Variants in CDH8 observed in about 807,000 individuals in gnomAD.
The protein encoded by CDH8 is cadherin-8.
In CDH8, 17 loss-of-function variants were observed where a neutral mutation model predicts 68.1. The observed-to-expected ratio is 0.25, with a 90% CI of 0.17 to 0.37. CDH8 has a LOEUF of 0.37. CDH8 is among the 10% of genes least tolerant of loss of function. CDH8 has a pLI of 1.00. For synonymous variants in CDH8, 372 were observed against 365.1 expected, an observed-to-expected ratio of 1.02 and a Z score of -0.21; for missense variants, 763 against 999.3, an observed-to-expected ratio of 0.76 and a Z score of 3.19.
At chr16:61,760,505 G>T (rs1244281123) in intron 8 of CDH8, among the ~76,000 whole-genome samples, 2 of 151,682 alleles carry the variant, frequency 1.3e-5, no homozygotes. Context: ...TAGAGACAGG[G>T]CTTCACCATG....
chr16:61,847,871 C>T (rs1962844004), intron 4 of CDH8, among the ~76,000 whole-genome samples: 1 of 148,952 alleles, frequency 6.7e-6, no homozygotes, highest in Non-Finnish European at 1.5e-5. Flanking sequence ...CTATATCTAC[C>T]AACTATCCTA....
intron 3 of CDH8, among the ~76,000 whole-genome samples, chr16:61,892,701 C>T (rs1963798627): frequency 6.6e-6 from 1 of 152,138 alleles, no homozygotes; most frequent in East Asian, 1.9e-4. Flanking sequence ...TAAGGTGTGG[C>T]TGGGCAAGTT....
At chr16:61,774,164 T>A (rs934765923) in intron 8 of CDH8, among the ~76,000 whole-genome samples, 1 of 152,042 alleles carries the variant, frequency 6.6e-6, no homozygotes, top group African/African-American at 2.4e-5. Context: ...GACCAACTGA[T>A]AAACGGGCTT....
intron 8 of CDH8, among the ~76,000 whole-genome samples, chr16:61,737,288 G>T (rs1959723659): frequency 6.6e-6 from 1 of 152,070 alleles, no homozygotes. Context: ...TACTAGTGGG[G>T]CACAATAAAT....
At chr16:61,949,917 G>T (rs1360762777) in intron 2 of CDH8, among the ~76,000 whole-genome samples, 1 of 151,706 alleles carries the variant, frequency 6.6e-6, no homozygotes, top group African/African-American at 2.4e-5. Flanking sequence ...AAACATGGGT[G>T]GTTGAGGCTG....
intron 3 of CDH8, among the ~76,000 whole-genome samples, chr16:61,877,296 G>A (rs1963478823): frequency 7.3e-6 from 1 of 136,838 alleles, no homozygotes; most frequent in Non-Finnish European, 1.5e-5. Context: ...GGGGTAATAT[G>A]GAATTATTTA....
chr16:61,991,699 C>G (rs1965724392), intron 2 of CDH8, among the ~76,000 whole-genome samples: 1 of 152,146 alleles, frequency 6.6e-6, no homozygotes, highest in Admixed American at 6.6e-5. Context: ...GGAAGTTATC[C>G]AAGATCTCAC....
intron 8 of CDH8, among the ~76,000 whole-genome samples, chr16:61,782,079 G>A (rs943883291): frequency 9.9e-5 from 15 of 152,122 alleles, no homozygotes; most frequent in African/African-American, 3.1e-4. Context: ...ACAAACATTC[G>A]GAGGAGCCAA....
intron 4 of CDH8, among the ~76,000 whole-genome samples, chr16:61,832,510 T>G (rs1336306993): frequency 1.3e-5 from 2 of 151,824 alleles, no homozygotes; most frequent in East Asian, 1.9e-4. Context: ...ACAACCCATT[T>G]GGAAATACAA....
chr16:61,866,722 C>T (rs1183420270), intron 3 of CDH8, among the ~76,000 whole-genome samples: 2 of 152,036 alleles, frequency 1.3e-5, no homozygotes, highest in Non-Finnish European at 2.9e-5. Context: ...GACTCCATTG[C>T]TTTATTTAAA....
chr16:61,705,601 G>A (rs1964512079), intron 10 of CDH8, among the ~76,000 whole-genome samples: 1 of 152,120 alleles, frequency 6.6e-6, no homozygotes, highest in African/African-American at 2.4e-5. Context: ...GAAACTCAGA[G>A]GGAGAATTAG....
At chr16:61,947,769 T>C (rs562916404) in intron 2 of CDH8, among the ~76,000 whole-genome samples, 1 of 152,262 alleles carries the variant, frequency 6.6e-6, no homozygotes, top group African/African-American at 2.4e-5. Flanking sequence ...TGTTAAATGG[T>C]TTTAATATAT....
At chr16:61,847,149 G>A (rs1277825476) in intron 4 of CDH8, among the ~76,000 whole-genome samples, 1 of 151,828 alleles carries the variant, frequency 6.6e-6, no homozygotes, top group Non-Finnish European at 1.5e-5. Flanking sequence ...GTTCATTCTG[G>A]ATTTAACTGT....
intron 10 of CDH8, among the ~76,000 whole-genome samples, chr16:61,687,565 A>G (rs1216244932): frequency 6.6e-6 from 1 of 152,032 alleles, no homozygotes; most frequent in African/African-American, 2.4e-5. Context: ...TAAATATACT[A>G]CAAGATGATA....
At chr16:61,900,241 CTG>C (rs1222893216) in intron 3 of CDH8, among the ~76,000 whole-genome samples, 5 of 151,996 alleles carry the variant, frequency 3.3e-5, no homozygotes, top group Admixed American at 6.6e-5. Context: ...TTATCTCTAC[CTG>C]TGTTTATTTG....
intron 4 of CDH8, among the ~76,000 whole-genome samples, chr16:61,853,922 A>G (rs1962989879): frequency 6.6e-6 from 1 of 152,014 alleles, no homozygotes; most frequent in Admixed American, 6.6e-5. Context: ...AAATCTATAG[A>G]ATTAAAAGTT....
At chr16:61,844,813 T>G (rs1413223482) in intron 4 of CDH8, among the ~76,000 whole-genome samples, 1 of 152,218 alleles carries the variant, frequency 6.6e-6, no homozygotes, top group Non-Finnish European at 1.5e-5. Flanking sequence ...AAACACGACC[T>G]GTGGCACATC....
intron 9 of CDH8, chr16:61,725,638 T>C (rs1010495608): frequency 1.3e-5 from 2 of 150,724 alleles, no homozygotes; most frequent in Non-Finnish European, 3.0e-5. Flanking sequence ...TTTAGGTAAA[T>C]GATATGTATT....
chr16:61,728,184 A>G (rs997279556), intron 8 of CDH8, among the ~76,000 whole-genome samples: 3 of 151,092 alleles, frequency 2.0e-5, no homozygotes, highest in Admixed American at 6.6e-5. Flanking sequence ...ATGAACAAAC[A>G]GATTTTCATT....
Sources: gnomAD v4.1 joint callset for allele counts (sites outside exome capture counted in the v4.1 genomes callset) on GRCh38, gnomAD v4.1.1 for gene constraint, MANE v1.5 for transcripts, NCBI Gene and HGNC (gene_info 2026-07-23, HGNC 2026-07-21) for gene names.